Variants in LCOR observed in about 807,000 individuals in gnomAD.
The protein encoded by LCOR is ligand-dependent corepressor.
LCOR carries 14 observed loss-of-function variants against 64.4 expected under a neutral mutation model. That is an observed-to-expected ratio of 0.22 (90% CI 0.14 to 0.34). LCOR has a LOEUF of 0.34. Ranked by LOEUF, LCOR falls within the 10% of genes least tolerant of loss-of-function variation. The probability of loss-of-function intolerance (pLI) is 1.00; values close to 1 mark genes in which losing one functional copy is unlikely to be tolerated. For missense variants in LCOR, 1,686 were observed against 1,765.3 expected (o/e 0.96, Z 0.80); for synonymous variants, 643 against 642.5 (o/e 1.00, Z -0.01).
At chr10:96,951,335 A>T (rs923868215) in intron 6 of LCOR, among the ~76,000 whole-genome samples, 15 of 152,152 alleles carry the variant, frequency 9.9e-5, no homozygotes, top group African/African-American at 3.6e-4. Flanking sequence ...CCAGGCTCTC[A>T]TCAGTATCAA....
chr10:96,981,138 T>G lies in LCOR; in HGVS notation c.678T>G (p.Pro226=), dbSNP rs1314950819. 2.8e-6 allele frequency: 2 copies of G among 706,302 alleles called. No homozygotes were observed. Among genetic ancestry groups the G allele is most frequent in the Non-Finnish European group, 5.2e-6 (2 of 388,016 alleles). The allele number at this position is 706,302 out of a possible 1,614,324, so 43.8% of individuals were successfully genotyped here. A position where few individuals can be genotyped will look rare whatever the true frequency, so the allele number is the denominator to read the frequency against. Residue 226 remains proline, a synonymous_variant, in exon 8 of 8, where the codon CCT becomes CCG. Transcript: ENST00000421806. ...TGACGGAACAGACCCCGAAGAAGCC[T>G]CCTCCTGAGATAAACCCTGTAGATG... is the stretch of plus-strand genomic sequence containing the variant. ...LHLTEQTPKK[P]PPEINPVDGR... is the part of the protein sequence containing the mutation.
Position 96,907,659 on chromosome 10 carries a change from T to A in LCOR, c.-263-9T>A. The stretch of plus-strand genomic sequence containing the variant: ...TTTTATGACTATTAATTTGTTACTA[T>A]TTTTGCAGACTGTGAACCTGAAAGC... On this transcript the variant is annotated splice_polypyrimidine_tract_variant and intron_variant, in intron 3 of 7. Coordinates refer to ENST00000421806, the MANE Select transcript of LCOR (RefSeq NM_001346516.2). 4.2e-6 allele frequency: 4 copies of A among 958,646 alleles called. No homozygotes were observed. The highest frequency in any genetic ancestry group is 5.0e-6 in the Non-Finnish European group (4 of 805,158). The allele number at this position is 958,646 out of a possible 1,614,324, so 59.4% of individuals were successfully genotyped here. A position where few individuals can be genotyped will look rare whatever the true frequency, so the allele number is the denominator to read the frequency against.
chr10:96,961,411 C>T lies in LCOR; in HGVS notation c.332+9215C>T, dbSNP rs571636176. Reference sequence around the variant, plus strand: ...TGAATGTGGAAATGAACTCTTTTACCCCATCTTGAACTGTCATTGAACATG... The same window carrying T: ...TGAATGTGGAAATGAACTCTTTTACTCCATCTTGAACTGTCATTGAACATG... On this transcript the variant is annotated intron_variant, in intron 7 of 7. Transcript: ENST00000421806. 5 of 151,786 alleles carry T rather than the reference C, an allele frequency of 3.3e-5. No individual in the cohort carries two copies. In the South Asian group the frequency reaches 1.0e-3, roughly 32 times the overall value. 9.4% of individuals were successfully genotyped at this position (151,786 alleles called of 1,614,324 possible). A position where few individuals can be genotyped will look rare whatever the true frequency, so the allele number is the denominator to read the frequency against.
intron 2 of LCOR, among the ~76,000 whole-genome samples, chr10:96,877,598 A>ATTTTTTTTTTTTTTTT (rs57119025): frequency 1.5e-5 from 1 of 65,660 alleles, no homozygotes. Flanking sequence ...ATTTTTCTGA[A>ATTTTTTTTTTTTTTTT]TTTTTTTTTT....
intron 4 of LCOR, among the ~76,000 whole-genome samples, chr10:96,931,419 A>G (rs902846531): frequency 3.3e-5 from 5 of 151,924 alleles, no homozygotes; most frequent in African/African-American, 4.8e-5. Context: ...TATTTTTGGT[A>G]GAGATGGGGT....
chr10:96,902,351 C>T (rs1039458276), intron 2 of LCOR, among the ~76,000 whole-genome samples: 7 of 152,076 alleles, frequency 4.6e-5, no homozygotes, highest in African/African-American at 1.7e-4. Flanking sequence ...TAGGGTTCAT[C>T]ATAGTGCATC....
chr10:96,967,428 T>A (rs566490954), intron 7 of LCOR, among the ~76,000 whole-genome samples: 1 of 152,194 alleles, frequency 6.6e-6, no homozygotes, highest in Non-Finnish European at 1.5e-5. Context: ...CACCGCACTT[T>A]GCCTGAATTG....
chr10:96,894,351 A>G (rs570116627), intron 2 of LCOR, among the ~76,000 whole-genome samples: 2 of 152,306 alleles, frequency 1.3e-5, no homozygotes, highest in Admixed American at 1.3e-4. Context: ...TGCTGGGATT[A>G]TAGGCATGAG....
Position 96,993,516 on chromosome 10 carries a change from TA to T in LCOR, c.*8387del, listed in dbSNP as rs1848218606. On this transcript the variant is annotated 3_prime_UTR_variant, in exon 8 of 8. Coordinates refer to ENST00000421806, the MANE Select transcript of LCOR (RefSeq NM_001346516.2). Reference sequence around the variant, plus strand: ...AGAAGTAATGTTGTAAATAGTTTTCTAAAAATATTTATTACTTGTGCTGTAT... The same window carrying T: ...AGAAGTAATGTTGTAAATAGTTTTCTAAAATATTTATTACTTGTGCTGTAT... 6.6e-6 allele frequency: 1 copy of T among 152,160 alleles called. No individual in the cohort carries two copies. The allele number at this position is 152,160 out of a possible 1,614,324, so 9.4% of individuals were successfully genotyped here. A position where few individuals can be genotyped will look rare whatever the true frequency, so the allele number is the denominator to read the frequency against.
At chr10:96,880,167 T>C (rs536671642) in intron 2 of LCOR, among the ~76,000 whole-genome samples, 3 of 152,198 alleles carry the variant, frequency 2.0e-5, no homozygotes, top group Non-Finnish European at 2.9e-5. Context: ...TAAACTGATA[T>C]TGCCCCAAAA....
rs114410070 is a variant in LCOR at position 96,974,212 on chromosome 10, C to G, written c.333-6581C>G. 5.0e-3 allele frequency among the ~76,000 whole-genome samples: 757 copies of G among 152,352 alleles called. 12 individuals are homozygous for G. Among genetic ancestry groups the G allele is most frequent in the African/African-American group, 0.017 (722 of 41,592 alleles). On this transcript the variant is annotated intron_variant, in intron 7 of 7. Coordinates refer to ENST00000421806, the MANE Select transcript of LCOR (RefSeq NM_001346516.2). ...GGGCATGGAACTGAAGATAGGAAGA[C>G]AGTGGTCAAGGTCATGCACACCGTT...
At chr10:96,845,594 A>G (rs1845615638) in intron 2 of LCOR, among the ~76,000 whole-genome samples, 1 of 147,508 alleles carries the variant, frequency 6.8e-6, no homozygotes, top group Non-Finnish European at 1.5e-5. Flanking sequence ...CAGCCTCCCC[A>G]GTAGCTGGGA....
At chr10:96,950,893 G>A (rs1172638273) in intron 6 of LCOR, among the ~76,000 whole-genome samples, 1 of 152,050 alleles carries the variant, frequency 6.6e-6, no homozygotes, top group East Asian at 1.9e-4. Flanking sequence ...GTATAATTGG[G>A]TTAGATGTCT....
At chr10:96,927,200 G>A (rs963180347) in intron 4 of LCOR, among the ~76,000 whole-genome samples, 1 of 152,096 alleles carries the variant, frequency 6.6e-6, no homozygotes, top group East Asian at 1.9e-4. Flanking sequence ...TTTAACATAA[G>A]CCATTCTAGT....
chr10:96,908,778 C>T (rs540876684), intron 4 of LCOR, among the ~76,000 whole-genome samples: 4 of 151,642 alleles, frequency 2.6e-5, no homozygotes, highest in East Asian at 1.9e-4. Flanking sequence ...TGCAGTGGCG[C>T]GATCTCTGCT....
chr10:96,944,554 T>A (rs967624343), intron 5 of LCOR, among the ~76,000 whole-genome samples: 1 of 151,856 alleles, frequency 6.6e-6, no homozygotes, highest in Non-Finnish European at 1.5e-5. Flanking sequence ...TGGAGACAGT[T>A]ACTGTTTTAA....
In LCOR at chr10:96,981,087, G is replaced by A. The variant is rs910371067; in HGVS notation, c.627G>A (p.Ser209=). The A allele has an allele frequency of 1.7e-5, 12 of 702,926 alleles. No homozygotes were observed. Among genetic ancestry groups the A allele is most frequent in the Admixed American group, 4.0e-5 (2 of 49,988 alleles). 43.5% of individuals were successfully genotyped at this position (702,926 alleles called of 1,614,324 possible). ...CTTCTGTAGATTTGTTCGTAGACTC[G>A]TCAGACTCTCACAGCCCTCTACACT... is the stretch of plus-strand genomic sequence containing the variant. ...SSASVDLFVD[S]SDSHSPLHLT... The change falls in exon 8 of 8, where the codon TCG becomes TCA. Residue 209 remains serine (S), a synonymous_variant. Transcript: ENST00000421806.
At chr10:96,939,588 T>C (rs1248227677) in intron 4 of LCOR, among the ~76,000 whole-genome samples, 1 of 152,210 alleles carries the variant, frequency 6.6e-6, no homozygotes, top group African/African-American at 2.4e-5. Context: ...GCAAATCATA[T>C]ATCTAATAAT....
intron 4 of LCOR, among the ~76,000 whole-genome samples, chr10:96,920,450 A>G (rs868252024): frequency 1.0e-5 from 1 of 99,168 alleles, no homozygotes; most frequent in Non-Finnish European, 1.9e-5. Flanking sequence ...ATGTGTATAT[A>G]TATGTATATT....
Sources: allele counts gnomAD v4.1 joint callset (sites outside exome capture counted in the v4.1 genomes callset), GRCh38; gene constraint gnomAD v4.1.1; transcripts MANE v1.5; gene names NCBI Gene and HGNC (gene_info 2026-07-23, HGNC 2026-07-21).